Variants in FRAS1 observed in about 807,000 individuals in gnomAD.
The protein encoded by FRAS1 is extracellular matrix organizing protein FRAS1.
Under a neutral mutation model 435.2 loss-of-function variants are expected in FRAS1, and 290 were observed. The observed-to-expected ratio is 0.67, with a 90% CI of 0.61 to 0.73. FRAS1 has a LOEUF of 0.73. Ranked by LOEUF, FRAS1 falls within the 30% of genes least tolerant of loss-of-function variation. The pLI, the probability that FRAS1 is intolerant of heterozygous loss-of-function variation, is 0.00. For synonymous variants in FRAS1, 1,800 were observed against 1,851.0 expected, an observed-to-expected ratio of 0.97 and a Z score of 0.71; for missense variants, 4,860 against 5,001.5, an observed-to-expected ratio of 0.97 and a Z score of 0.85.
At chr4:78,284,157 A>G (rs1727462652) in intron 12 of FRAS1, among the ~76,000 whole-genome samples, 1 of 150,268 alleles carries the variant, frequency 6.7e-6, no homozygotes, top group African/African-American at 2.4e-5. Flanking sequence ...TAGTATCTTC[A>G]TGCTGGGGCT....
Position 78,479,371 on chromosome 4 carries a change from C to A in FRAS1, c.8099-3C>A. The A allele has an allele frequency of 6.8e-7, 1 of 1,461,306 alleles. No homozygotes were observed. The highest frequency in any genetic ancestry group is 9.1e-7 in the Non-Finnish European group (1 of 1,103,126). The allele number at this position is 1,461,306 out of a possible 1,614,324, so 90.5% of individuals were successfully genotyped here. A position where few individuals can be genotyped will look rare whatever the true frequency, so the allele number is the denominator to read the frequency against. The stretch of plus-strand genomic sequence containing the variant: ...CTTTGGTTTTTTGCCATTTGTATTT[C>A]AGGAGATGCAAGCAGCATTGTATCT... On this transcript the variant is annotated splice_polypyrimidine_tract_variant and splice_region_variant and intron_variant, in intron 55 of 73. Coordinates refer to ENST00000512123, the MANE Select transcript of FRAS1 (RefSeq NM_025074.7).
In FRAS1 at chr4:78,445,569, C is replaced by T; in HGVS notation, c.5713C>T (p.Pro1905Ser). ...TGCCAGTGACCTAGAGGCATCATTT[C>T]CTATTCAAGACGTCCTGGAAAACTA... ...ETASDLEASF[P>S]IQDVLENYIY... The change falls in exon 42 of 74, where the codon CCT becomes TCT. Residue 1905 changes from proline to serine, a missense_variant. Coordinates refer to ENST00000512123, the MANE Select transcript of FRAS1 (RefSeq NM_025074.7). 1.2e-6 allele frequency: 2 copies of T among 1,610,936 alleles called. No individual in the cohort carries two copies. The highest frequency in any genetic ancestry group is 2.2e-5 in the South Asian group (2 of 90,470).
Position 78,252,295 on chromosome 4 carries a change from C to G in FRAS1, c.310-97C>G, listed in dbSNP as rs1725568610. The G allele has an allele frequency of 5.0e-5, 62 of 1,240,648 alleles. No homozygotes were observed. In the South Asian group the frequency reaches 8.1e-4, roughly 16 times the overall value. 76.9% of individuals were successfully genotyped at this position (1,240,648 alleles called of 1,614,324 possible). A position where few individuals can be genotyped will look rare whatever the true frequency, so the allele number is the denominator to read the frequency against. ...ATTCCACCTTTCCCTGAGCTCCATC[C>G]TTAATTTGGATAAGAGAAGATTTGT... On this transcript the variant is annotated intron_variant, in intron 4 of 73. Coordinates refer to ENST00000512123, the MANE Select transcript of FRAS1 (RefSeq NM_025074.7).
intron 30 of FRAS1, among the ~76,000 whole-genome samples, chr4:78,406,385 T>C (rs1016870192): frequency 1.6e-4 from 24 of 152,320 alleles, no homozygotes; most frequent in African/African-American, 5.5e-4. Context: ...TTAATTGGAC[T>C]CACAGTTCCA....
chr4:78,089,172 C>G (rs1023127428), intron 2 of FRAS1, among the ~76,000 whole-genome samples: 1 of 151,056 alleles, frequency 6.6e-6, no homozygotes, highest in Non-Finnish European at 1.5e-5. Flanking sequence ...AGCAAACTAT[C>G]GCAAGGACAA....
chr4:78,524,627 G>A (rs1366631298), intron 69 of FRAS1, among the ~76,000 whole-genome samples: 1 of 152,182 alleles, frequency 6.6e-6, no homozygotes, highest in Non-Finnish European at 1.5e-5. Context: ...CCGAAGGCTT[G>A]GGAGGCTATG....
At chr4:78,181,553 C>G in intron 2 of FRAS1, 1 of 1,611,598 alleles carries the variant, frequency 6.2e-7, no homozygotes, top group Non-Finnish European at 8.5e-7. Context: ...AAGACCACCA[C>G]GACCTCGAAT....
In FRAS1 at chr4:78,374,131, C is replaced by T; in HGVS notation, c.3031C>T (p.Gln1011Ter). 6.3e-7 allele frequency: 1 copy of T among 1,593,424 alleles called. No homozygotes were observed. Among genetic ancestry groups the T allele is most frequent in the Non-Finnish European group, 8.6e-7 (1 of 1,164,846 alleles). Residue 1011 changes from glutamine (Q) to a stop codon, truncating the protein, a stop_gained, in exon 25 of 74, where the codon CAG (glutamine) becomes TAG (stop). Coordinates refer to ENST00000512123, the MANE Select transcript of FRAS1 (RefSeq NM_025074.7). LOFTEE classifies it high-confidence loss of function. ...TTCAGACTGTGACAGCTACTGTCTC[C>T]AGTGCCAAGGTCCCCATGAGTGTAC... ...LCKNCDSYCL[Q>*]CQGPHECTRC... is the part of the protein sequence containing the mutation.
rs1039513380 is a variant in FRAS1, at chr4:78,534,630, C to T, written c.11092+15C>T. 6.2e-6 allele frequency: 10 copies of T among 1,610,066 alleles called. No individual in the cohort carries two copies. In the Admixed American group the frequency reaches 8.4e-5, roughly 13 times the overall value. ...CTTTTCAAAAGGTGAGTTGCTTCCT[C>T]CACCTGCAGAAAGAGGCTCTGCCTG... On this transcript the variant is annotated intron_variant, in intron 71 of 73. Transcript: ENST00000512123.
chr4:78,431,921 G>T (rs558534524), intron 37 of FRAS1, among the ~76,000 whole-genome samples: 2 of 151,850 alleles, frequency 1.3e-5, no homozygotes, highest in South Asian at 2.1e-4. Flanking sequence ...CTTCTTAAAG[G>T]TTCATCAAGT....
At chr4:78,357,781 T>C (rs1730916894) in intron 20 of FRAS1, among the ~76,000 whole-genome samples, 1 of 152,108 alleles carries the variant, frequency 6.6e-6, no homozygotes, top group Non-Finnish European at 1.5e-5. Flanking sequence ...TACACACCTA[T>C]AGGTCCAGCT....
chr4:78,122,755 G>A (rs1409317156), intron 2 of FRAS1, among the ~76,000 whole-genome samples: 1 of 152,108 alleles, frequency 6.6e-6, no homozygotes, highest in Non-Finnish European at 1.5e-5. Context: ...TCATATGTCT[G>A]TTGGCTGCAT....
At chr4:78,306,795 T>C (rs1358144207) in intron 14 of FRAS1, among the ~76,000 whole-genome samples, 1 of 152,160 alleles carries the variant, frequency 6.6e-6, no homozygotes, top group Non-Finnish European at 1.5e-5. Context: ...TTCAACTTCT[T>C]TGCGTTTGGT....
At chr4:78,287,342 A>G (rs1278021969) in intron 14 of FRAS1, among the ~76,000 whole-genome samples, 1 of 152,206 alleles carries the variant, frequency 6.6e-6, no homozygotes, top group Non-Finnish European at 1.5e-5. Flanking sequence ...CAGGACACAG[A>G]GCCAAATCAT....
chr4:78,246,183 G>A (rs1158817011), intron 4 of FRAS1, among the ~76,000 whole-genome samples: 1 of 152,172 alleles, frequency 6.6e-6, no homozygotes, highest in African/African-American at 2.4e-5. Context: ...GTTACCTGAG[G>A]TAGTAGGTAC....
chr4:78,237,598 C>A lies in FRAS1; in HGVS notation c.197C>A (p.Pro66His). 1.2e-6 allele frequency: 2 copies of A among 1,605,216 alleles called. No homozygotes were observed. Among genetic ancestry groups the A allele is most frequent in the Non-Finnish European group, 1.7e-6 (2 of 1,173,628 alleles). Residue 66 changes from proline (P) to histidine (H), a missense_variant, in exon 3 of 74, where the codon CCT becomes CAT. Pro to His is a moderately conservative substitution (Grantham distance 77, BLOSUM62 -2). Transcript: ENST00000512123. ...TGCAAACCTGCTGTTTGCAGAAACC[C>A]TCAATGTGCCTTTGAGAAGGTACGG... The part of the protein sequence containing the change: ...VICKPAVCRN[P>H]QCAFEKGEVL...
chr4:78,542,221 C>G lies in FRAS1; in HGVS notation c.*1097C>G, dbSNP rs113500969. The G allele has an allele frequency of 1.1e-3, 175 of 152,322 alleles. No homozygotes were observed. Among genetic ancestry groups the G allele is most frequent in the African/African-American group, 3.9e-3 (164 of 41,562 alleles). 9.4% of individuals were successfully genotyped at this position (152,322 alleles called of 1,614,324 possible). ...GCAGACAGAGGCACTATTCCTGGTG[C>G]AGTATTTCAGGGATTTCTCTTTGAG... is the stretch of plus-strand genomic sequence containing the variant. On this transcript the variant is annotated 3_prime_UTR_variant, in exon 74 of 74. Transcript: ENST00000512123.
Position 78,519,495 on chromosome 4 carries a change from C to T in FRAS1, c.10540+14C>T, listed in dbSNP as rs760480376. 5.1e-5 allele frequency: 82 copies of T among 1,603,728 alleles called. No homozygotes were observed. The highest frequency in any genetic ancestry group is 6.8e-5 in the East Asian group (3 of 44,372). ...TCTGGAGAACAGGTATGCCCACTGACGCCTTAACTATCCCTTTAGTTAGGG... is the reference window on the plus strand; with the variant it reads ...TCTGGAGAACAGGTATGCCCACTGATGCCTTAACTATCCCTTTAGTTAGGG... On this transcript the variant is annotated intron_variant, in intron 67 of 73. Transcript: ENST00000512123.
chr4:78,346,234 A>G (rs376976139), intron 20 of FRAS1, among the ~76,000 whole-genome samples: 242 of 152,342 alleles, frequency 1.6e-3, no homozygotes, highest in African/African-American at 5.5e-3. Flanking sequence ...ATCAGCGTCA[A>G]TGTTGATTCT....
Sources: gnomAD v4.1 joint callset for allele counts (sites outside exome capture counted in the v4.1 genomes callset) on GRCh38, gnomAD v4.1.1 for gene constraint, MANE v1.5 for transcripts, NCBI Gene and HGNC (gene_info 2026-07-23, HGNC 2026-07-21) for gene names.